RASGRF2: variants seen among roughly 807,000 people sequenced by gnomAD.
RASGRF2 encodes the protein Ras protein specific guanine nucleotide releasing factor 2.
In RASGRF2, 76 loss-of-function variants were observed where a neutral mutation model predicts 151.0. The observed-to-expected ratio is 0.50, with a 90% CI of 0.42 to 0.61. The LOEUF (loss-of-function observed/expected upper bound fraction) is 0.61, where lower values mean the gene tolerates loss of function less well. RASGRF2 is among the 20% of genes least tolerant of loss of function. RASGRF2 has a pLI of 0.00. For synonymous variants in RASGRF2, 504 were observed against 566.5 expected (o/e 0.89, Z 1.57); for missense variants, 1,148 against 1,564.6 (o/e 0.73, Z 4.49).
intron 5 of RASGRF2, among the ~76,000 whole-genome samples, chr5:81,073,926 A>G (rs990190587): frequency 3.9e-5 from 6 of 152,192 alleles, no homozygotes; most frequent in Non-Finnish European, 7.4e-5. Context: ...CTGCATTGTT[A>G]TTTTTACATC....
In RASGRF2 at chr5:80,977,449, TTTTA is replaced by T. The variant is rs56140758; in HGVS notation, c.288+16450_288+16453del. ...TGTAAACTATAAAATGCTACCAAAA[TTTTA>T]TTTATTTATTTATTTATTTATTTAT... On this transcript the variant is annotated intron_variant, in intron 1 of 26. Coordinates refer to ENST00000265080, the MANE Select transcript of RASGRF2 (RefSeq NM_006909.3). 7.3e-5 allele frequency among the ~76,000 whole-genome samples: 11 copies of T among 150,298 alleles called. No individual in the cohort carries two copies. In the Middle Eastern group the frequency reaches 0.01, roughly 140 times the overall value.
intron 1 of RASGRF2, among the ~76,000 whole-genome samples, chr5:80,993,830 C>G (rs939923011): frequency 5.3e-5 from 8 of 152,128 alleles, no homozygotes; most frequent in South Asian, 2.1e-4. Flanking sequence ...CCTTTCCCCT[C>G]TCATCTCTTG....
chr5:81,193,491 C>G (rs1755193538), intron 18 of RASGRF2, among the ~76,000 whole-genome samples: 1 of 152,114 alleles, frequency 6.6e-6, no homozygotes. Flanking sequence ...GCCACTAAGT[C>G]ACTGATAGCT....
rs1259055996 is a variant in RASGRF2 at position 80,960,549 on chromosome 5, C to CCG, written c.-186_-185dup. 1.8e-5 allele frequency: 7 copies of CCG among 393,910 alleles called. No homozygotes were observed. The highest frequency in any genetic ancestry group is 1.2e-5 in the Non-Finnish European group (3 of 241,736). The allele number at this position is 393,910 out of a possible 1,614,324, so 24.4% of individuals were successfully genotyped here. ...GCGGAGAGCGTGCCTCGGCCCCAGC[C>CCG]CGCGCCCCTGCCACCGCGCGCCGCG... On this transcript the variant is annotated 5_prime_UTR_variant, in exon 1 of 27. Transcript: ENST00000265080. The surrounding 1 kb of genome is among the most constrained non-coding windows in gnomAD (Gnocchi z 5.5).
intron 1 of RASGRF2, among the ~76,000 whole-genome samples, chr5:80,981,012 A>G (rs1748281823): frequency 6.6e-6 from 1 of 152,198 alleles, no homozygotes; most frequent in Non-Finnish European, 1.5e-5. Flanking sequence ...AGCATTTTCT[A>G]GATACTTCGT....
chr5:81,175,023 G>T (rs1422050990), intron 17 of RASGRF2, among the ~76,000 whole-genome samples: 1 of 152,154 alleles, frequency 6.6e-6, no homozygotes, highest in Non-Finnish European at 1.5e-5. Context: ...CTGGCACAGG[G>T]GTGTAATTAA....
In RASGRF2 at chr5:81,225,796, C is replaced by CG. The variant is rs1561268691; in HGVS notation, c.*29dup. 6.2e-7 allele frequency: 1 copy of CG among 1,604,140 alleles called. No homozygotes were observed. Among genetic ancestry groups the CG allele is most frequent in the Non-Finnish European group, 8.5e-7 (1 of 1,177,128 alleles). ...AGATCTGGCCTTGCCCCTGAGTCCACGGGATGTTCATGGAAAGCAGGACAG... is the reference window on the plus strand; with the variant it reads ...AGATCTGGCCTTGCCCCTGAGTCCACGGGGATGTTCATGGAAAGCAGGACAG... On this transcript the variant is annotated 3_prime_UTR_variant, in exon 27 of 27. Coordinates refer to ENST00000265080, the MANE Select transcript of RASGRF2 (RefSeq NM_006909.3).
chr5:81,166,135 G>A (rs1008115293), intron 17 of RASGRF2, among the ~76,000 whole-genome samples: 5 of 151,958 alleles, frequency 3.3e-5, no homozygotes, highest in African/African-American at 7.3e-5. Flanking sequence ...AAGCACCAGC[G>A]GATTACTGGG....
At chr5:80,990,519 C>T (rs532419232) in intron 1 of RASGRF2, among the ~76,000 whole-genome samples, 5 of 152,234 alleles carry the variant, frequency 3.3e-5, no homozygotes, top group African/African-American at 7.2e-5. Flanking sequence ...TCCTATCTGC[C>T]GGGGGCATTT....
At chr5:81,008,888 C>G (rs1303827369) in intron 1 of RASGRF2, among the ~76,000 whole-genome samples, 2 of 152,188 alleles carry the variant, frequency 1.3e-5, no homozygotes, top group Non-Finnish European at 2.9e-5. Flanking sequence ...AGGCTCCAGC[C>G]CATCTATTTC....
intron 1 of RASGRF2, among the ~76,000 whole-genome samples, chr5:81,019,095 C>CTGGCGCATCTGCACATCTTGAAACACT (rs56332420): frequency 0.16 from 24,830 of 151,766 alleles, 2,053 homozygotes; most frequent in Admixed American, 0.21. Context: ...GGCACTGCGC[C>CTGGCGCATCTGCACATCTTGAAACACT]TGGCGCATCT....
At chr5:80,997,646 A>G (rs1028722606) in intron 1 of RASGRF2, 10 of 152,222 alleles carry the variant, frequency 6.6e-5, no homozygotes, top group African/African-American at 2.4e-4. Context: ...GTGAGATGTA[A>G]AACATGGAAG....
chr5:81,155,613 A>C (rs11955893), intron 17 of RASGRF2, among the ~76,000 whole-genome samples: 167 of 135,740 alleles, frequency 1.2e-3, no homozygotes, highest in African/African-American at 5.3e-3. Flanking sequence ...CCATGCCCAA[A>C]ACTGGCAGCA....
At chr5:80,968,985 A>G (rs1747814568) in intron 1 of RASGRF2, among the ~76,000 whole-genome samples, 1 of 151,798 alleles carries the variant, frequency 6.6e-6, no homozygotes, top group Non-Finnish European at 1.5e-5. Context: ...TCCCTGGCCA[A>G]AATGAATTGC....
chr5:81,079,445 G>A lies in RASGRF2; in HGVS notation c.888-676G>A, dbSNP rs114275889. ...GAGATGAACGGTTCTGTATTTGATTGTGTCACTGTGTTAGTTCAGAAAAGG... is the reference window on the plus strand; with the variant it reads ...GAGATGAACGGTTCTGTATTTGATTATGTCACTGTGTTAGTTCAGAAAAGG... On this transcript the variant is annotated intron_variant, in intron 5 of 26. Coordinates refer to ENST00000265080, the MANE Select transcript of RASGRF2 (RefSeq NM_006909.3). 4.1e-3 allele frequency among the ~76,000 whole-genome samples: 623 copies of A among 152,310 alleles called. 6 individuals carry two copies. The highest frequency in any genetic ancestry group is 0.013 in the African/African-American group (538 of 41,574).
chr5:81,064,935 T>C (rs1163939102), intron 2 of RASGRF2, among the ~76,000 whole-genome samples: 1 of 152,140 alleles, frequency 6.6e-6, no homozygotes, highest in African/African-American at 2.4e-5. Context: ...AAAGGGTCGT[T>C]AGTGGACCTG....
At chr5:81,143,965 T>C (rs1024224086) in intron 17 of RASGRF2, among the ~76,000 whole-genome samples, 5 of 151,622 alleles carry the variant, frequency 3.3e-5, no homozygotes, top group African/African-American at 1.2e-4. Context: ...ATAAAGGCAA[T>C]AGGGCAAATA....
intron 19 of RASGRF2, among the ~76,000 whole-genome samples, chr5:81,202,776 G>C (rs116069501): frequency 3.7e-4 from 57 of 152,360 alleles, no homozygotes; most frequent in African/African-American, 1.3e-3. Context: ...GACAGACACA[G>C]ACAATGCCAT....
chr5:81,059,497 T>C (rs1255335475), intron 2 of RASGRF2, among the ~76,000 whole-genome samples: 1 of 151,982 alleles, frequency 6.6e-6, no homozygotes, highest in Non-Finnish European at 1.5e-5. Flanking sequence ...TAGAATCCTG[T>C]TCCCTCTTCT....
Sources: allele counts gnomAD v4.1 joint callset (sites outside exome capture counted in the v4.1 genomes callset), GRCh38; gene constraint gnomAD v4.1.1; non-coding constraint Gnocchi (gnomAD v3.1); transcripts MANE v1.5; gene names NCBI Gene and HGNC (gene_info 2026-07-23, HGNC 2026-07-21).